Variants in GPC6 observed in about 807,000 individuals in gnomAD.
GPC6 encodes the protein glypican 6, also known as glypican-6.
Under a neutral mutation model 55.2 loss-of-function variants are expected in GPC6, and 14 were observed. That is an observed-to-expected ratio of 0.25 (90% CI 0.17 to 0.40). GPC6 has a LOEUF of 0.40. Ranked by LOEUF, GPC6 falls within the 10% of genes least tolerant of loss-of-function variation. GPC6 has a pLI of 1.00. For missense variants in GPC6, 641 were observed against 708.5 expected, an observed-to-expected ratio of 0.90 and a Z score of 1.08; for synonymous variants, 278 against 259.6, an observed-to-expected ratio of 1.07 and a Z score of -0.68.
intron 4 of GPC6, among the ~76,000 whole-genome samples, chr13:94,220,028 A>G (rs1380967902): frequency 6.6e-6 from 1 of 152,152 alleles, no homozygotes; most frequent in African/African-American, 2.4e-5. Flanking sequence ...TGTAATACCT[A>G]AAAGATAACT....
chr13:93,720,492 A>C (rs1883416200), intron 2 of GPC6, among the ~76,000 whole-genome samples: 3 of 151,654 alleles, frequency 2.0e-5, no homozygotes, highest in African/African-American at 7.3e-5. Flanking sequence ...CAGTCCATCT[A>C]TTTTGTTAAT....
intron 1 of GPC6, among the ~76,000 whole-genome samples, chr13:93,298,537 C>A (rs1484523843): frequency 6.6e-6 from 1 of 152,110 alleles, no homozygotes; most frequent in African/African-American, 2.4e-5. Flanking sequence ...TGGGCTTAAG[C>A]GATCCTCCCA....
chr13:93,812,578 ATTTT>A (rs1175196517), intron 2 of GPC6, among the ~76,000 whole-genome samples: 2 of 152,210 alleles, frequency 1.3e-5, no homozygotes, highest in African/African-American at 4.8e-5. Context: ...GCCAAATGCA[ATTTT>A]TTCACTTCTC....
intron 2 of GPC6, among the ~76,000 whole-genome samples, chr13:93,643,121 G>A (rs1376747897): frequency 1.3e-5 from 2 of 151,974 alleles, no homozygotes; most frequent in African/African-American, 4.8e-5. Flanking sequence ...TTTACTTTTG[G>A]CTTGTGTAAG....
chr13:93,421,661 T>G (rs972865554), intron 1 of GPC6, among the ~76,000 whole-genome samples: 1 of 152,106 alleles, frequency 6.6e-6, no homozygotes, highest in African/African-American at 2.4e-5. Context: ...AATTACCCCA[T>G]GTGTCTAGTT....
At chr13:93,417,797 T>C (rs868289611) in intron 1 of GPC6, among the ~76,000 whole-genome samples, 3 of 152,030 alleles carry the variant, frequency 2.0e-5, no homozygotes, top group Admixed American at 6.6e-5. Flanking sequence ...AAAATCTATA[T>C]ATGGATAAAA....
intron 4 of GPC6, among the ~76,000 whole-genome samples, chr13:94,108,473 C>T (rs190356520): frequency 1.1e-4 from 16 of 152,188 alleles, no homozygotes; most frequent in Non-Finnish European, 1.9e-4. Flanking sequence ...TCACAAATCA[C>T]CACTAAGGAA....
intron 1 of GPC6, among the ~76,000 whole-genome samples, chr13:93,541,756 T>C (rs1477046230): frequency 1.3e-5 from 2 of 149,614 alleles, no homozygotes; most frequent in Non-Finnish European, 3.0e-5. Flanking sequence ...GTGGTTTTGA[T>C]TTGCATTTCT....
intron 2 of GPC6, among the ~76,000 whole-genome samples, chr13:93,559,118 C>A (rs923079190): frequency 6.6e-6 from 1 of 152,034 alleles, no homozygotes; most frequent in Non-Finnish European, 1.5e-5. Context: ...TGAATATGAA[C>A]TGTGTTATCA....
At chr13:93,684,083 T>G (rs1280450604) in intron 2 of GPC6, among the ~76,000 whole-genome samples, 1 of 152,116 alleles carries the variant, frequency 6.6e-6, no homozygotes, top group Admixed American at 6.6e-5. Context: ...CACAGGGGCA[T>G]AGGATTTAAT....
intron 2 of GPC6, among the ~76,000 whole-genome samples, chr13:93,757,345 G>A (rs559973137): frequency 6.6e-6 from 1 of 152,262 alleles, no homozygotes; most frequent in African/African-American, 2.4e-5. Context: ...TGTAAAGGGG[G>A]CATCCGGGCC....
intron 2 of GPC6, among the ~76,000 whole-genome samples, chr13:93,676,572 A>G (rs1302600706): frequency 6.6e-6 from 1 of 152,130 alleles, no homozygotes; most frequent in Non-Finnish European, 1.5e-5. Context: ...TATGTGCAGC[A>G]TGGCTGGTGT....
At chr13:93,874,211 G>T (rs1889219345) in intron 3 of GPC6, among the ~76,000 whole-genome samples, 1 of 151,720 alleles carries the variant, frequency 6.6e-6, no homozygotes, top group Non-Finnish European at 1.5e-5. Flanking sequence ...CCTCCCATCT[G>T]CTACCCTCAA....
intron 3 of GPC6, among the ~76,000 whole-genome samples, chr13:93,970,750 C>T (rs1011118250): frequency 2.6e-5 from 4 of 152,124 alleles, no homozygotes; most frequent in Admixed American, 6.6e-5. Context: ...GGATGAAACT[C>T]GCATCAACAC....
intron 4 of GPC6, among the ~76,000 whole-genome samples, chr13:94,183,941 A>C (rs1291926106): frequency 6.6e-6 from 1 of 152,210 alleles, no homozygotes; most frequent in African/African-American, 2.4e-5. Context: ...CCCAGAAATA[A>C]AGCAACACAC....
At chr13:94,402,080 G>T (rs1016024319) in intron 8 of GPC6, among the ~76,000 whole-genome samples, 1 of 152,148 alleles carries the variant, frequency 6.6e-6, no homozygotes, top group Non-Finnish European at 1.5e-5. Context: ...TCAACTTCTG[G>T]TTTAAAGGGA....
chr13:93,627,588 A>G (rs1879255308), intron 2 of GPC6, among the ~76,000 whole-genome samples: 1 of 152,192 alleles, frequency 6.6e-6, no homozygotes, highest in Non-Finnish European at 1.5e-5. Context: ...GACCACTTCT[A>G]TAAGTACGCT....
chr13:94,149,310 C>A (rs1297947772), intron 4 of GPC6, among the ~76,000 whole-genome samples: 1 of 152,078 alleles, frequency 6.6e-6, no homozygotes, highest in Non-Finnish European at 1.5e-5. Flanking sequence ...TCTGGAATGC[C>A]AGCTCAGATG....
At chr13:93,473,494 G>T (rs1418335178) in intron 1 of GPC6, among the ~76,000 whole-genome samples, 2 of 152,198 alleles carry the variant, frequency 1.3e-5, no homozygotes, top group Non-Finnish European at 2.9e-5. Context: ...AGCCTGTGGG[G>T]TCAGGAGGGC....
Sources: gnomAD v4.1 joint callset for allele counts (sites outside exome capture counted in the v4.1 genomes callset) on GRCh38, gnomAD v4.1.1 for gene constraint, MANE v1.5 for transcripts, NCBI Gene and HGNC (gene_info 2026-07-23, HGNC 2026-07-21) for gene names.